REEP3: variants seen among roughly 807,000 people sequenced by gnomAD.
The protein encoded by REEP3 is receptor accessory protein 3.
In REEP3, 20 loss-of-function variants were observed where a neutral mutation model predicts 41.3. The observed-to-expected ratio is 0.48, with a 90% CI of 0.34 to 0.70. The LOEUF (loss-of-function observed/expected upper bound fraction) is 0.70. Ranked by LOEUF, REEP3 falls within the 30% of genes least tolerant of loss-of-function variation. The pLI is 0.01. For synonymous variants in REEP3, 104 were observed against 101.8 expected, an observed-to-expected ratio of 1.02 and a Z score of -0.13; for missense variants, 271 against 308.8, an observed-to-expected ratio of 0.88 and a Z score of 0.92.
chr10:63,573,731 G>T (rs913279751), intron 2 of REEP3, among the ~76,000 whole-genome samples: 3 of 152,120 alleles, frequency 2.0e-5, no homozygotes, highest in African/African-American at 7.2e-5. Context: ...ATCTGAAGTT[G>T]TCTGCTAACT....
chr10:63,610,086 T>G, intron 5 of REEP3, 101 bp from the exon 6 acceptor site: 4 of 1,043,690 alleles, frequency 3.8e-6, no homozygotes, highest in Non-Finnish European at 5.5e-6. Context: ...TGTACAATTC[T>G]TTCAGCTTTT....
chr10:63,620,953 C>G lies in REEP3; in HGVS notation c.*84C>G, dbSNP rs1956349259. 1 of 812,548 alleles carries G rather than the reference C, an allele frequency of 1.2e-6. No individual in the cohort carries two copies. The highest frequency in any genetic ancestry group is 2.0e-6 in the Non-Finnish European group (1 of 510,016). The allele number at this position is 812,548 out of a possible 1,614,324, so 50.3% of individuals were successfully genotyped here. A position where few individuals can be genotyped will look rare whatever the true frequency, so the allele number is the denominator to read the frequency against. ...TAACATGATATATTCAGGATTTACA[C>G]ATTAAAATGATTATTTAAATTGTGG... On this transcript the variant is annotated 3_prime_UTR_variant, in exon 8 of 8. Transcript: ENST00000373758.
chr10:63,609,408 C>T (rs1026671050), intron 5 of REEP3, among the ~76,000 whole-genome samples: 14 of 145,726 alleles, frequency 9.6e-5, no homozygotes, highest in African/African-American at 3.6e-4. Flanking sequence ...GCCGAGATTG[C>T]GCCACTGCAC....
chr10:63,533,678 T>G (rs1018459372), intron 1 of REEP3, among the ~76,000 whole-genome samples: 1 of 150,680 alleles, frequency 6.6e-6, no homozygotes, highest in Non-Finnish European at 1.5e-5. Context: ...CCTATATAAG[T>G]CCACATGAAA....
intron 1 of REEP3, among the ~76,000 whole-genome samples, chr10:63,550,189 C>T (rs1029276152): frequency 6.6e-5 from 10 of 152,118 alleles, no homozygotes; most frequent in Admixed American, 2.6e-4. Context: ...GGGAGAACCA[C>T]CAGGACTGGG....
rs116067947 is a variant in REEP3 at position 63,539,991 on chromosome 10, G to A, written c.32+18414G>A. On this transcript the variant is annotated intron_variant, in intron 1 of 7. Coordinates refer to ENST00000373758, the MANE Select transcript of REEP3 (RefSeq NM_001001330.3). ...CCAAATACTGTTACCATTTTAAAAC[G>A]CAACAAAAATTGTAAAATATTCTCA... Among the ~76,000 whole-genome samples, 973 of 152,224 alleles carry A rather than the reference G, an allele frequency of 6.4e-3. 8 individuals carry two copies. The highest frequency in any genetic ancestry group is 0.022 in the African/African-American group (913 of 41,546).
At chr10:63,590,695 G>A (rs1324331695) in intron 2 of REEP3, among the ~76,000 whole-genome samples, 1 of 152,174 alleles carries the variant, frequency 6.6e-6, no homozygotes, top group African/African-American at 2.4e-5. Flanking sequence ...GGGACTTGTA[G>A]ATTGACAAGG....
At chr10:63,549,379 A>G (rs926014286) in intron 1 of REEP3, among the ~76,000 whole-genome samples, 42 of 152,160 alleles carry the variant, frequency 2.8e-4, no homozygotes, top group Non-Finnish European at 2.9e-5. Flanking sequence ...ACCAGCCTGG[A>G]TAACATAGTG....
chr10:63,577,277 C>A (rs915235180), intron 2 of REEP3, among the ~76,000 whole-genome samples: 1 of 152,176 alleles, frequency 6.6e-6, no homozygotes, highest in Non-Finnish European at 1.5e-5. Flanking sequence ...ATCCAGAAAC[C>A]CTCTGATTCA....
chr10:63,592,115 T>G (rs1334464861), intron 2 of REEP3, among the ~76,000 whole-genome samples: 1 of 151,382 alleles, frequency 6.6e-6, no homozygotes, highest in Non-Finnish European at 1.5e-5. Flanking sequence ...GAGGTCTCTG[T>G]GCTGAGTACT....
intron 1 of REEP3, among the ~76,000 whole-genome samples, chr10:63,542,408 T>C (rs553237269): frequency 2.0e-5 from 3 of 152,206 alleles, no homozygotes; most frequent in Non-Finnish European, 4.4e-5. Context: ...TGTATGACTT[T>C]ACTGCATCTC....
At chr10:63,529,675 C>T (rs1331134130) in intron 1 of REEP3, among the ~76,000 whole-genome samples, 1 of 151,978 alleles carries the variant, frequency 6.6e-6, no homozygotes, top group Non-Finnish European at 1.5e-5. Context: ...GCCATATTGC[C>T]CAGGCTGGTC....
At chr10:63,562,281 G>A (rs1392501811) in intron 1 of REEP3, among the ~76,000 whole-genome samples, 1 of 150,726 alleles carries the variant, frequency 6.6e-6, no homozygotes, top group Non-Finnish European at 1.5e-5. Flanking sequence ...TTTAGAGACG[G>A]AGTCTTACTC....
At chr10:63,523,716 G>T (rs1003707707) in intron 1 of REEP3, among the ~76,000 whole-genome samples, 16 of 152,216 alleles carry the variant, frequency 1.1e-4, no homozygotes, top group Admixed American at 9.2e-4. Context: ...AGGGACCGGC[G>T]TGAGCCAAAG....
chr10:63,613,653 C>T (rs1956292233), intron 6 of REEP3, among the ~76,000 whole-genome samples: 1 of 152,138 alleles, frequency 6.6e-6, no homozygotes. Flanking sequence ...TAGATAGACA[C>T]AAACCCAGGT....
intron 2 of REEP3, among the ~76,000 whole-genome samples, chr10:63,589,207 G>A (rs764233474): frequency 1.3e-5 from 2 of 152,208 alleles, no homozygotes; most frequent in African/African-American, 2.4e-5. Flanking sequence ...GGATGCCACT[G>A]AAATAATCCA....
At chr10:63,596,659 CA>C (rs946343003) in intron 3 of REEP3, among the ~76,000 whole-genome samples, 43 of 151,960 alleles carry the variant, frequency 2.8e-4, no homozygotes, top group African/African-American at 9.7e-4. Flanking sequence ...TTTGCTGTGG[CA>C]AAAAAACAAC....
chr10:63,525,456 G>A (rs1955353496), intron 1 of REEP3, among the ~76,000 whole-genome samples: 1 of 151,712 alleles, frequency 6.6e-6, no homozygotes, highest in African/African-American at 2.4e-5. Context: ...TTTTCTCTTG[G>A]TGTACAGGCT....
Position 63,548,046 on chromosome 10 carries a change from T to C in REEP3, c.33-18292T>C, listed in dbSNP as rs564772471. On this transcript the variant is annotated intron_variant, in intron 1 of 7. Transcript: ENST00000373758. ...TAGAGGCTGCCCTGAGTGTCACTTATTGATTGTCATAAGAAGATTTTCATG... is the reference window on the plus strand; with the variant it reads ...TAGAGGCTGCCCTGAGTGTCACTTACTGATTGTCATAAGAAGATTTTCATG... Among the ~76,000 whole-genome samples, 13 of 152,338 alleles carry C rather than the reference T, an allele frequency of 8.5e-5. No homozygotes were observed. In the East Asian group the frequency reaches 2.5e-3, roughly 29 times the overall value.
Sources: allele counts gnomAD v4.1 joint callset (sites outside exome capture counted in the v4.1 genomes callset), GRCh38; gene constraint gnomAD v4.1.1; transcripts MANE v1.5; gene names NCBI Gene and HGNC (gene_info 2026-07-23, HGNC 2026-07-21).